The following ZDHHC15 variants were observed in gnomAD, a reference collection of about 807,000 sequenced individuals.
ZDHHC15 encodes the protein palmitoyltransferase ZDHHC15.
Under a neutral mutation model 31.7 loss-of-function variants are expected in ZDHHC15, and 19 were observed. The ratio of observed to expected loss-of-function variants is 0.60; its 90% CI spans 0.42 to 0.88. The LOEUF (loss-of-function observed/expected upper bound fraction) is 0.88. Among genes scored for constraint, ZDHHC15 ranks in the 40% least tolerant of loss-of-function variants. The pLI, the probability that ZDHHC15 is intolerant of heterozygous loss-of-function variation, is 0.00. For synonymous variants in ZDHHC15, 103 were observed against 90.0 expected (o/e 1.14, Z -0.82); for missense variants, 209 against 251.2 (o/e 0.83, Z 1.14).
At chrX:75,384,428 C>T in intron 10 of ZDHHC15, 2 of 948,027 alleles carry the variant, frequency 2.1e-6, no homozygotes, top group Non-Finnish European at 3.0e-6. Context: ...GTTCCTTTGG[C>T]CACGTATATG....
intron 2 of ZDHHC15, among the ~76,000 whole-genome samples, chrX:75,489,885 A>C (rs941840597): frequency 3.6e-5 from 4 of 112,033 alleles, no homozygotes; most frequent in African/African-American, 1.3e-4. Context: ...CAATGCAGAG[A>C]AGTCCTTAAA....
In ZDHHC15 at chrX:75,404,192, G is replaced by C. The variant is rs371409416; in HGVS notation, c.967+12895C>G. On this transcript the variant is annotated intron_variant, in intron 10 of 11. Transcript: ENST00000373367. Reference sequence around the variant, plus strand: ...TCACCATATTCAGACAGTTAAAGCTGGACCCCTTCCTTACACCATATACAA... The same window carrying C: ...TCACCATATTCAGACAGTTAAAGCTCGACCCCTTCCTTACACCATATACAA... Among the ~76,000 whole-genome samples, 6 of 111,733 alleles carry C rather than the reference G, an allele frequency of 5.4e-5. No individual in the cohort carries two copies. In the South Asian group the frequency reaches 2.3e-3, roughly 42 times the overall value.
chrX:75,501,368 G>T (rs2085083928), intron 2 of ZDHHC15: 1 of 111,884 alleles, frequency 8.9e-6, no homozygotes. Context: ...TGGGCATTTA[G>T]GTTGATTCCA....
intron 10 of ZDHHC15, among the ~76,000 whole-genome samples, chrX:75,404,476 C>T (rs758202275): frequency 8.9e-6 from 1 of 111,870 alleles, no homozygotes; most frequent in Non-Finnish European, 1.9e-5. Context: ...GCAAGCTGTG[C>T]ATCTGACAAA....
rs371552125 is a variant in ZDHHC15, at chrX:75,495,805, T to C, written c.163+10016A>G. On this transcript the variant is annotated intron_variant, in intron 2 of 11. Transcript: ENST00000373367. ...GTACGGTGGGGGGAGGGGGGAGGGA[T>C]AGCATTAGGAGGCATTCCTAATGTT... 6.6e-3 allele frequency among the ~76,000 whole-genome samples: 607 copies of C among 92,440 alleles called. 9 individuals are homozygous for C. Among genetic ancestry groups the C allele is most frequent in the African/African-American group, 0.022 (553 of 25,337 alleles). The allele number at this position is 92,440 out of a possible 115,157, so 80.3% of individuals were successfully genotyped here. A position where few individuals can be genotyped will look rare whatever the true frequency, so the allele number is the denominator to read the frequency against.
intron 3 of ZDHHC15, among the ~76,000 whole-genome samples, chrX:75,473,275 G>A (rs946813263): frequency 1.8e-5 from 2 of 111,558 alleles, no homozygotes; most frequent in African/African-American, 3.3e-5. Context: ...TTCTCCAGAA[G>A]GCCGTGTATG....
Position 75,370,350 on chromosome X carries a change from G to A in ZDHHC15, c.*2628C>T, listed in dbSNP as rs2082994132. On this transcript the variant is annotated 3_prime_UTR_variant, in exon 12 of 12. Transcript: ENST00000373367. ...TGTGCTAATTATTAAATAAAGTTCTGTATTCTTGATTAATAATCAACCAGT... is the reference window on the plus strand; with the variant it reads ...TGTGCTAATTATTAAATAAAGTTCTATATTCTTGATTAATAATCAACCAGT... 9.0e-6 allele frequency: 1 copy of A among 110,760 alleles called. No individual in the cohort carries two copies. Among genetic ancestry groups the A allele is most frequent in the African/African-American group, 3.3e-5 (1 of 30,395 alleles). The allele number at this position is 110,760 out of a possible 1,213,427, so 9.1% of individuals were successfully genotyped here. A position where few individuals can be genotyped will look rare whatever the true frequency, so the allele number is the denominator to read the frequency against.
At chrX:75,487,888 A>C (rs1195905123) in intron 2 of ZDHHC15, among the ~76,000 whole-genome samples, 1 of 112,474 alleles carries the variant, frequency 8.9e-6, no homozygotes, top group African/African-American at 3.2e-5. Flanking sequence ...AATACACTGG[A>C]AAGTTTCAAC....
intron 3 of ZDHHC15, among the ~76,000 whole-genome samples, chrX:75,453,817 G>T (rs1355062223): frequency 9.0e-6 from 1 of 111,331 alleles, no homozygotes; most frequent in Non-Finnish European, 1.9e-5. Context: ...ATGCAGCAAA[G>T]GCCTTTGACA....
rs200873394 is a variant in ZDHHC15, at chrX:75,427,685, TTAA to T, written c.603+1390_603+1392del. On this transcript the variant is annotated intron_variant, in intron 7 of 11. Coordinates refer to ENST00000373367, the MANE Select transcript of ZDHHC15 (RefSeq NM_144969.3). ...TAATATATTTTAAAATTATTGTAACTTAATAATAATCCTGTGCTGTGGAAAGGG... is the reference window on the plus strand; with the variant it reads ...TAATATATTTTAAAATTATTGTAACTTAATAATCCTGTGCTGTGGAAAGGG... Among the ~76,000 whole-genome samples, 879 of 111,322 alleles carry T rather than the reference TTAA, an allele frequency of 7.9e-3. 11 individuals are homozygous for T. The highest frequency in any genetic ancestry group is 0.026 in the African/African-American group (811 of 30,732).
chrX:75,520,116 A>G (rs929169463), intron 1 of ZDHHC15, among the ~76,000 whole-genome samples: 1 of 112,192 alleles, frequency 8.9e-6, no homozygotes, highest in Non-Finnish European at 1.9e-5. Flanking sequence ...TCAGTTTACA[A>G]ACAAGTAATG....
chrX:75,415,162 A>C (rs186156842), intron 10 of ZDHHC15, among the ~76,000 whole-genome samples: 1 of 112,002 alleles, frequency 8.9e-6, no homozygotes, highest in African/African-American at 3.2e-5. Context: ...TAACTTAAAT[A>C]CACACATGTA....
intron 10 of ZDHHC15, among the ~76,000 whole-genome samples, chrX:75,415,926 T>C (rs1180129689): frequency 2.7e-5 from 3 of 112,145 alleles, no homozygotes; most frequent in Non-Finnish European, 5.6e-5. Flanking sequence ...CTGATAATTA[T>C]TTGGCTTCTA....
chrX:75,452,543 T>C (rs1255122635), intron 3 of ZDHHC15, among the ~76,000 whole-genome samples: 6 of 111,533 alleles, frequency 5.4e-5, no homozygotes, highest in Non-Finnish European at 1.9e-5. Flanking sequence ...GCAGACCTAA[T>C]AGACATCCAC....
intron 4 of ZDHHC15, among the ~76,000 whole-genome samples, chrX:75,432,293 G>A (rs1388033651): frequency 1.8e-5 from 2 of 110,904 alleles, no homozygotes; most frequent in Non-Finnish European, 3.8e-5. Context: ...GATAGAGTAC[G>A]ACTGTGTTTA....
intron 10 of ZDHHC15, among the ~76,000 whole-genome samples, chrX:75,403,710 T>C (rs891816178): frequency 8.9e-6 from 1 of 112,094 alleles, no homozygotes; most frequent in African/African-American, 3.2e-5. Flanking sequence ...TACAAACTAC[T>C]GCTCAAAGAA....
chrX:75,403,391 AAGAG>A (rs1268837089), intron 10 of ZDHHC15, among the ~76,000 whole-genome samples: 1 of 112,019 alleles, frequency 8.9e-6, no homozygotes, highest in Non-Finnish European at 1.9e-5. Context: ...ACAATCAGGA[AAGAG>A]AGATAAATAA....
At chrX:75,499,619 A>G (rs979269909) in intron 2 of ZDHHC15, among the ~76,000 whole-genome samples, 1 of 111,687 alleles carries the variant, frequency 9.0e-6, no homozygotes, top group Non-Finnish European at 1.9e-5. Flanking sequence ...TAAAAATCAA[A>G]AAACAATAAA....
chrX:75,456,249 A>C (rs1253249367), intron 3 of ZDHHC15, among the ~76,000 whole-genome samples: 1 of 109,763 alleles, frequency 9.1e-6, no homozygotes, highest in Non-Finnish European at 1.9e-5. Context: ...AAACTATCAC[A>C]AGGACAGCAA....
Sources: gnomAD v4.1 joint callset for allele counts (sites outside exome capture counted in the v4.1 genomes callset) on GRCh38, gnomAD v4.1.1 for gene constraint, MANE v1.5 for transcripts, NCBI Gene and HGNC (gene_info 2026-07-23, HGNC 2026-07-21) for gene names.